The following DLGAP2 variants were observed in gnomAD, a reference collection of about 807,000 sequenced individuals.
DLGAP2 encodes the protein DLG associated protein 2.
In DLGAP2, 26 loss-of-function variants were observed where a neutral mutation model predicts 100.3. That is an observed-to-expected ratio of 0.26 (90% CI 0.19 to 0.36). DLGAP2 has a LOEUF of 0.36. Ranked by LOEUF, DLGAP2 falls within the 10% of genes least tolerant of loss-of-function variation. The pLI is 1.00. For missense variants in DLGAP2, 1,858 were observed against 1,453.2 expected, an observed-to-expected ratio of 1.28 and a Z score of -4.53; for synonymous variants, 886 against 630.1, an observed-to-expected ratio of 1.41 and a Z score of -6.08.
rs1439935164 is a variant in DLGAP2, at chr8:1,297,854, G to A, written c.106+38971G>A. Among the ~76,000 whole-genome samples, 316 of 58,542 alleles carry A rather than the reference G, an allele frequency of 5.4e-3. 1 individual carries two copies. The highest frequency in any genetic ancestry group is 0.013 in the African/African-American group (134 of 10,618). 38.4% of individuals were successfully genotyped at this position (58,542 alleles called of 152,430 possible). A position where few individuals can be genotyped will look rare whatever the true frequency, so the allele number is the denominator to read the frequency against. On this transcript the variant is annotated intron_variant, in intron 3 of 14. Coordinates refer to ENST00000637795, the MANE Select transcript of DLGAP2 (RefSeq NM_001346810.2). ...ACGTGAGACAGGGAGGAGAAACGTGGCAGGCATGAACAGACACCACGTGAG... is the reference window on the plus strand; with the variant it reads ...ACGTGAGACAGGGAGGAGAAACGTGACAGGCATGAACAGACACCACGTGAG...
At chr8:803,063 C>A in intron 1 of DLGAP2, among the ~76,000 whole-genome samples, 1 of 152,230 alleles carries the variant, frequency 6.6e-6, no homozygotes, top group Admixed American at 6.5e-5. Context: ...CAGGTAACAG[C>A]TGCCATGACG....
chr8:1,036,150 C>T (rs1376938408), intron 2 of DLGAP2, among the ~76,000 whole-genome samples: 109 of 145,300 alleles, frequency 7.5e-4, no homozygotes, highest in African/African-American at 2.7e-3. Flanking sequence ...CGTGTCACCG[C>T]GAGTGGATTC....
At chr8:927,546 T>A (rs1302703136) in intron 2 of DLGAP2, among the ~76,000 whole-genome samples, 1 of 152,174 alleles carries the variant, frequency 6.6e-6, no homozygotes, top group African/African-American at 2.4e-5. Flanking sequence ...AGAGGGCACT[T>A]AACGCCTCCG....
intron 3 of DLGAP2, among the ~76,000 whole-genome samples, chr8:1,276,225 A>T: frequency 6.6e-6 from 1 of 150,524 alleles, no homozygotes; most frequent in Non-Finnish European, 1.5e-5. Flanking sequence ...CCCCGACCCT[A>T]GCTCTCAATG....
chr8:865,642 G>C (rs1797480282), intron 1 of DLGAP2, among the ~76,000 whole-genome samples: 1 of 152,224 alleles, frequency 6.6e-6, no homozygotes, highest in Non-Finnish European at 1.5e-5. Context: ...GGAAAGATAA[G>C]GTTTATAGCT....
intron 4 of DLGAP2, among the ~76,000 whole-genome samples, chr8:1,533,278 C>T (rs1801045085): frequency 6.6e-6 from 1 of 151,922 alleles, no homozygotes; most frequent in Non-Finnish European, 1.5e-5. Context: ...GTGGGCAGAT[C>T]ATGAGGTCAG....
At chr8:1,684,298 T>C (rs916368564) in intron 12 of DLGAP2, among the ~76,000 whole-genome samples, 4 of 152,046 alleles carry the variant, frequency 2.6e-5, no homozygotes, top group Non-Finnish European at 4.4e-5. Flanking sequence ...AAACACTTGT[T>C]ATGCCCCTCA....
At chr8:954,310 C>T (rs928072188) in intron 2 of DLGAP2, among the ~76,000 whole-genome samples, 16 of 152,314 alleles carry the variant, frequency 1.1e-4, no homozygotes, top group African/African-American at 3.8e-4. Context: ...ACCTGTTCAT[C>T]TATAAGTGAA....
At chr8:1,503,867 C>G (rs1045468732) in intron 4 of DLGAP2, among the ~76,000 whole-genome samples, 2 of 152,154 alleles carry the variant, frequency 1.3e-5, no homozygotes, top group African/African-American at 2.4e-5. Context: ...TGGCTTTCCC[C>G]TCTTGGGGTG....
chr8:1,656,657 G>A (rs1798291896), intron 8 of DLGAP2, among the ~76,000 whole-genome samples: 1 of 152,124 alleles, frequency 6.6e-6, no homozygotes, highest in African/African-American at 2.4e-5. Flanking sequence ...AACAGGGAGG[G>A]ACCCATCCAC....
At chr8:1,595,772 A>G (rs1035434218) in intron 6 of DLGAP2, among the ~76,000 whole-genome samples, 15 of 151,616 alleles carry the variant, frequency 9.9e-5, no homozygotes, top group Admixed American at 2.0e-4. Flanking sequence ...TACCCTGCCT[A>G]TTATTATTTT....
At chr8:1,482,075 C>G (rs534247189) in intron 3 of DLGAP2, among the ~76,000 whole-genome samples, 80 of 152,354 alleles carry the variant, frequency 5.3e-4, no homozygotes, top group African/African-American at 1.9e-3. Context: ...ACCATGCTCA[C>G]AAGAAATGAA....
At chr8:1,579,904 C>G (rs1356834978) in intron 6 of DLGAP2, among the ~76,000 whole-genome samples, 1 of 152,220 alleles carries the variant, frequency 6.6e-6, no homozygotes, top group Non-Finnish European at 1.5e-5. Context: ...AAAGGCTGCT[C>G]TGGAGGAGGT....
At chr8:1,346,135 A>G (rs1400484207) in intron 3 of DLGAP2, among the ~76,000 whole-genome samples, 3 of 152,042 alleles carry the variant, frequency 2.0e-5, no homozygotes, top group Non-Finnish European at 4.4e-5. Flanking sequence ...TCAAAAGCCC[A>G]TACACGTCTG....
At chr8:847,046 T>C (rs929012586) in intron 1 of DLGAP2, among the ~76,000 whole-genome samples, 1 of 152,252 alleles carries the variant, frequency 6.6e-6, no homozygotes, top group Non-Finnish European at 1.5e-5. Flanking sequence ...ATAGTTTTTG[T>C]ACAGTTGGAA....
At chr8:1,625,180 T>G (rs1797460298) in intron 6 of DLGAP2, among the ~76,000 whole-genome samples, 1 of 152,200 alleles carries the variant, frequency 6.6e-6, no homozygotes, top group Non-Finnish European at 1.5e-5. Flanking sequence ...ATAGACATTT[T>G]TATGTACCTG....
chr8:1,433,335 A>T (rs1036846982), intron 3 of DLGAP2, among the ~76,000 whole-genome samples: 1 of 152,214 alleles, frequency 6.6e-6, no homozygotes. Context: ...AGGGGCATCC[A>T]GTCCTAGGAG....
chr8:1,056,770 T>C (rs1197468424), intron 2 of DLGAP2, among the ~76,000 whole-genome samples: 1 of 152,252 alleles, frequency 6.6e-6, no homozygotes, highest in Non-Finnish European at 1.5e-5. Context: ...GATCTCAGTT[T>C]CTTCAGTTGT....
chr8:1,105,551 G>A (rs2129044563), intron 2 of DLGAP2, among the ~76,000 whole-genome samples: 1 of 152,172 alleles, frequency 6.6e-6, no homozygotes, highest in South Asian at 2.1e-4. Flanking sequence ...GGAGCTTCCT[G>A]CCGGTGCACT....
Sources: allele counts gnomAD v4.1 joint callset (sites outside exome capture counted in the v4.1 genomes callset), GRCh38; gene constraint gnomAD v4.1.1; transcripts MANE v1.5; gene names NCBI Gene and HGNC (gene_info 2026-07-23, HGNC 2026-07-21).